C4orf50: variants seen among roughly 807,000 people sequenced by gnomAD.
C4orf50 encodes uncharacterized protein C4orf50.
C4orf50 carries 80 observed loss-of-function variants against 77.2 expected under a neutral mutation model. The ratio of observed to expected loss-of-function variants is 1.04; its 90% CI spans 0.87 to 1.25. The LOEUF (loss-of-function observed/expected upper bound fraction) is 1.25, where lower values mean the gene tolerates loss of function less well. Ranked by LOEUF, C4orf50 falls within the 50% of genes most tolerant of loss-of-function variation. The pLI, the probability that C4orf50 is intolerant of heterozygous loss-of-function variation, is 0.00. For synonymous variants in C4orf50, 532 were observed against 465.3 expected, an observed-to-expected ratio of 1.14 and a Z score of -1.84; for missense variants, 1,257 against 1,152.9, an observed-to-expected ratio of 1.09 and a Z score of -1.31.
intron 7 of C4orf50, among the ~76,000 whole-genome samples, chr4:5,910,579 T>G (rs1317555365): frequency 6.6e-6 from 1 of 152,108 alleles, no homozygotes; most frequent in East Asian, 1.9e-4. Flanking sequence ...AGGAAAGAGA[T>G]TTTCAAAGAG....
intron 7 of C4orf50, among the ~76,000 whole-genome samples, chr4:5,928,752 T>C (rs1442497771): frequency 6.6e-6 from 1 of 152,240 alleles, no homozygotes; most frequent in Non-Finnish European, 1.5e-5. Flanking sequence ...AACCTCCAAA[T>C]GAACATGTCA....
intron 25 of C4orf50, among the ~76,000 whole-genome samples, chr4:6,002,888 G>T (rs1721894281): frequency 6.6e-6 from 1 of 152,220 alleles, no homozygotes; most frequent in South Asian, 2.1e-4. Context: ...TGAGCCTTCT[G>T]CCTCCTCTAT....
rs898516058 is a variant in C4orf50, at chr4:6,008,012, A to G, written c.947T>C (p.Ile316Thr). ...GCCACTTACCAGGCTGCAGTGACCA[A>G]TAGGGGCCTGGGCTCCCAGCTCCTC... The change falls in exon 25 of 34, where the codon ATT (isoleucine) becomes ACT (threonine). Residue 316 changes from isoleucine (I) to threonine (T), a missense_variant. Ile to Thr is a moderately conservative substitution (Grantham distance 89). Coordinates refer to ENST00000531445, the Ensembl canonical transcript of C4orf50. This position sits in a 1 kb window ranked among gnomAD's most constrained non-coding sequence, Gnocchi z 6.0. 8.8e-5 allele frequency: 35 copies of G among 399,108 alleles called. No homozygotes were observed. The highest frequency in any genetic ancestry group is 6.8e-4 in the East Asian group (19 of 28,090). The allele number at this position is 399,108 out of a possible 1,614,324, so 24.7% of individuals were successfully genotyped here.
chr4:5,973,884 C>G, intron 30 of C4orf50, 43 bp from the exon 9 acceptor site: 1 of 1,499,574 alleles, frequency 6.7e-7, no homozygotes, highest in East Asian at 2.4e-5. Flanking sequence ...CCCACCAGGG[C>G]TGCATGGCTG....
Position 5,916,204 on chromosome 4 carries a change from C to T in C4orf50, c.*2475-18016G>A, listed in dbSNP as rs1717020308. Among the ~76,000 whole-genome samples, 1 of 152,222 alleles carries T rather than the reference C, an allele frequency of 6.6e-6. No individual in the cohort carries two copies. The highest frequency in any genetic ancestry group is 2.4e-5 in the African/African-American group (1 of 41,454). ...TCTTATTCTGTCCTGGCTTCCCTCA[C>T]TGGACAGGGAACAGACGCACCAACA... On this transcript the variant is annotated intron_variant, in intron 7 of 7. Coordinates refer to the C4orf50 transcript ENST00000324058. This position sits in a 1 kb window ranked among gnomAD's most constrained non-coding sequence, Gnocchi z 4.4.
Position 6,011,907 on chromosome 4 carries a change from G to C in C4orf50, c.349C>G (p.His117Asp), listed in dbSNP as rs1481798260. 2.5e-6 allele frequency: 1 copy of C among 398,952 alleles called. No homozygotes were observed. The highest frequency in any genetic ancestry group is 4.4e-6 in the Non-Finnish European group (1 of 226,084). 24.7% of individuals were successfully genotyped at this position (398,952 alleles called of 1,614,324 possible). A position where few individuals can be genotyped will look rare whatever the true frequency, so the allele number is the denominator to read the frequency against. Residue 117 changes from histidine (H) to aspartate (D), a missense_variant, in exon 24 of 34, where the codon CAC (histidine) becomes GAC (aspartate). His to Asp is a moderately conservative substitution (Grantham distance 81). Coordinates refer to ENST00000531445, the Ensembl canonical transcript of C4orf50. This position sits in a 1 kb window ranked among gnomAD's most constrained non-coding sequence, Gnocchi z 4.2. The stretch of plus-strand genomic sequence containing the variant: ...CAGGCGCTTCTCTCCTGGGCCACGT[G>C]GGTGCTCAGCTGGTCCACCTTCCGG...
At chr4:5,939,249 A>AG (rs965981035) in intron 7 of C4orf50, among the ~76,000 whole-genome samples, 93 of 151,968 alleles carry the variant, frequency 6.1e-4, no homozygotes, top group Non-Finnish European at 1.2e-3. Flanking sequence ...GTCTCAAAAA[A>AG]AAAGAAAGAA....
At chr4:6,004,909 C>T (rs888011786) in intron 25 of C4orf50, among the ~76,000 whole-genome samples, 7 of 152,058 alleles carry the variant, frequency 4.6e-5, no homozygotes, top group Admixed American at 3.3e-4. Flanking sequence ...TCAAAATATA[C>T]CGGGCACTGA....
intron 7 of C4orf50, among the ~76,000 whole-genome samples, chr4:5,936,580 A>AG (rs201116282): frequency 0.047 from 6,921 of 147,340 alleles, 453 homozygotes; most frequent in African/African-American, 0.16. Flanking sequence ...AAAAAAAAAA[A>AG]AAAGAAAGAC....
In C4orf50 at chr4:5,908,821, C is replaced by G. The variant is rs991555721; in HGVS notation, c.*2475-10633G>C. 6.6e-6 allele frequency among the ~76,000 whole-genome samples: 1 copy of G among 152,126 alleles called. No individual in the cohort carries two copies. The highest frequency in any genetic ancestry group is 1.5e-5 in the Non-Finnish European group (1 of 68,026). On this transcript the variant is annotated intron_variant, in intron 7 of 7. Coordinates refer to the C4orf50 transcript ENST00000324058. This position sits in a 1 kb window ranked among gnomAD's most constrained non-coding sequence, Gnocchi z 5.6. Reference sequence around the variant, plus strand: ...ACTTGGGGACCATTTTGTCACTGCCCTTTCTCTCACTCTGATCTGTAAATC... The same window carrying G: ...ACTTGGGGACCATTTTGTCACTGCCGTTTCTCTCACTCTGATCTGTAAATC...
At chr4:5,928,268 G>A (rs1033889108) in intron 7 of C4orf50, among the ~76,000 whole-genome samples, 2 of 152,028 alleles carry the variant, frequency 1.3e-5, no homozygotes, top group Non-Finnish European at 2.9e-5. Context: ...AATACAAACT[G>A]CAAGGTAATC....
chr4:5,976,421 G>A (rs1224853613), intron 29 of C4orf50, among the ~76,000 whole-genome samples: 7 of 143,772 alleles, frequency 4.9e-5, no homozygotes, highest in East Asian at 2.1e-4. Context: ...GCGCCACTGC[G>A]CTCCAGCCTG....
chr4:5,988,088 G>T (rs1720975715), intron 28 of C4orf50, among the ~76,000 whole-genome samples: 1 of 152,228 alleles, frequency 6.6e-6, no homozygotes, highest in Non-Finnish European at 1.5e-5. Flanking sequence ...GGGCAGGCTT[G>T]AATCTCCCAT....
chr4:5,980,440 T>TTTTG, intron 28 of C4orf50, 102 bp from the exon 7 acceptor site: 2 of 1,095,834 alleles, frequency 1.8e-6, no homozygotes, highest in Non-Finnish European at 2.6e-6. Context: ...AGTTTTTTTT[T>TTTTG]TTGTTGTTGT....
At chr4:5,933,251 G>C (rs75709509) in intron 7 of C4orf50, among the ~76,000 whole-genome samples, 2,945 of 152,284 alleles carry the variant, frequency 0.019, 78 homozygotes, top group African/African-American at 0.06. Flanking sequence ...TTGAATATTA[G>C]CTTCATGGAA....
chr4:5,989,498 C>T, exon 28 of C4orf50: 1 of 1,536,136 alleles, frequency 6.5e-7, no homozygotes, highest in Non-Finnish European at 8.7e-7. Context: ...TGAGCTCTCT[C>T]CCAGCCACTG....
chr4:6,008,140 C>A lies in C4orf50; in HGVS notation c.819G>T (p.Gly273=), dbSNP rs1019858427. The A allele has an allele frequency of 5.0e-6, 2 of 398,920 alleles. No homozygotes were observed. Among genetic ancestry groups the A allele is most frequent in the Non-Finnish European group, 8.8e-6 (2 of 226,086 alleles). The allele number at this position is 398,920 out of a possible 1,614,324, so 24.7% of individuals were successfully genotyped here. A position where few individuals can be genotyped will look rare whatever the true frequency, so the allele number is the denominator to read the frequency against. Residue 273 remains glycine, a synonymous_variant, in exon 25 of 34, where the codon GGG becomes GGT. Transcript: ENST00000531445. This position sits in a 1 kb window ranked among gnomAD's most constrained non-coding sequence, Gnocchi z 6.0. ...TGCAGCAGCGCAGCTCCTCCAGCTG[C>A]CCGCGGAGCTGGCGCTCGGTGGCCC...
chr4:5,939,463 G>A (rs1718172603), intron 7 of C4orf50, among the ~76,000 whole-genome samples: 1 of 152,118 alleles, frequency 6.6e-6, no homozygotes, highest in Admixed American at 6.6e-5. Context: ...GGGCACCATG[G>A]GGTCAAATAT....
chr4:5,966,557 A>T (rs6841982), intron 32 of C4orf50, among the ~76,000 whole-genome samples: 53,221 of 151,732 alleles, frequency 0.35, 9,534 homozygotes, highest in Admixed American at 0.44. Flanking sequence ...TAACCACGGC[A>T]AATGTTTTAG....
Sources: allele counts gnomAD v4.1 joint callset (sites outside exome capture counted in the v4.1 genomes callset), GRCh38; gene constraint gnomAD v4.1.1; non-coding constraint Gnocchi (gnomAD v3.1); transcripts MANE v1.5; gene names NCBI Gene and HGNC (gene_info 2026-07-23, HGNC 2026-07-21).